The following NPHP4 variants were observed in gnomAD, a reference collection of about 807,000 sequenced individuals.
NPHP4 encodes the protein nephrocystin 4, also known as nephrocystin-4.
A neutral mutation model predicts 155.8 loss-of-function variants in NPHP4; 151 were observed. The observed-to-expected ratio is 0.97, with a 90% CI of 0.85 to 1.11. NPHP4 has a LOEUF of 1.11. Ranked by LOEUF, NPHP4 falls within the 50% of genes least tolerant of loss-of-function variation. The pLI, the probability that NPHP4 is intolerant of heterozygous loss-of-function variation, is 0.00. For missense variants in NPHP4, 1,956 were observed against 1,925.7 expected, an observed-to-expected ratio of 1.02 and a Z score of -0.29; for synonymous variants, 845 against 816.8, an observed-to-expected ratio of 1.03 and a Z score of -0.59.
intron 16 of NPHP4, among the ~76,000 whole-genome samples, chr1:5,894,657 A>G (rs1443099058): frequency 6.6e-6 from 1 of 152,172 alleles, no homozygotes; most frequent in Non-Finnish European, 1.5e-5. Context: ...ACACAAACAA[A>G]AGAATTAAGA....
chr1:5,876,937 C>T (rs562441422), intron 20 of NPHP4, 156 bp downstream of exon 20: 3 of 468,802 alleles, frequency 6.4e-6, no homozygotes, highest in South Asian at 1.1e-4. Context: ...TTAAAGATTT[C>T]CCCCGGTGGC....
chr1:5,938,515 C>G (rs936996791), intron 9 of NPHP4, among the ~76,000 whole-genome samples: 1 of 152,188 alleles, frequency 6.6e-6, no homozygotes, highest in Admixed American at 6.5e-5. Flanking sequence ...CCAAACGAGA[C>G]GGACAGCAAA....
At position 5,873,300 on chromosome 1, in the gene NPHP4, G is replaced by T; in HGVS notation, c.3267C>A (p.Asp1089Glu). The T allele has an allele frequency of 1.9e-6, 3 of 1,613,948 alleles. No individual in the cohort carries two copies. Among genetic ancestry groups the T allele is most frequent in the Non-Finnish European group, 2.5e-6 (3 of 1,179,846 alleles). The change falls in exon 23 of 30, where the codon GAC (aspartate) becomes GAA (glutamate). Residue 1089 changes from aspartate to glutamate, a missense_variant. Asp to Glu is a conservative substitution (Grantham distance 45, BLOSUM62 2). Coordinates refer to ENST00000378156, the MANE Select transcript of NPHP4 (RefSeq NM_015102.5). The stretch of plus-strand genomic sequence containing the variant: ...CGCTGGACTTCCAAGGTGACACGGC[G>T]TCCATGCCCTTCTCGTTGCTCAACC... ...SPGLSNEKGM[D>E]AVSPWKSSAV... is the part of the protein sequence containing the mutation.
intron 16 of NPHP4, among the ~76,000 whole-genome samples, chr1:5,895,989 G>A (rs972845524): frequency 2.0e-5 from 3 of 152,214 alleles, no homozygotes; most frequent in Admixed American, 6.5e-5. Context: ...CGACGTCTGC[G>A]CAGCCAAACT....
Position 5,986,063 on chromosome 1 carries a change from C to T in NPHP4, c.135+92G>A. On this transcript the variant is annotated intron_variant, in intron 2 of 29. Coordinates refer to ENST00000378156, the MANE Select transcript of NPHP4 (RefSeq NM_015102.5). ...AAAGTAGCAAAATCAAAAATCAAAG[C>T]ATCGTAAGCCAGGGACCATCCATCT... The T allele has an allele frequency of 3.5e-6, 5 of 1,422,538 alleles. No homozygotes were observed. The South Asian group carries it at 4.8e-5, about 14-fold the overall frequency. The allele number at this position is 1,422,538 out of a possible 1,614,324, so 88.1% of individuals were successfully genotyped here.
intron 11 of NPHP4, among the ~76,000 whole-genome samples, chr1:5,917,552 T>C (rs188438529): frequency 3.1e-4 from 47 of 152,324 alleles, no homozygotes; most frequent in Admixed American, 1.1e-3. Flanking sequence ...TTCTCTCTTG[T>C]TGAAGCTATT....
At position 5,964,941 on chromosome 1, in the gene NPHP4, A is replaced by ATATATATTTTT; in HGVS notation, c.517+2357_517+2358insAAAAATATATA. On this transcript the variant is annotated intron_variant, in intron 5 of 29. Transcript: ENST00000378156. ...ATTATATATATATATATATATATATATTTTTTTTTTTTGAGGCAGGGTCTC... is the reference window on the plus strand; with the variant it reads ...ATTATATATATATATATATATATATATATATATTTTTTTTTTTTTTTTTGAGGCAGGGTCTC... 3.1e-3 allele frequency among the ~76,000 whole-genome samples: 186 copies of ATATATATTTTT among 59,370 alleles called. 10 individuals are homozygous for ATATATATTTTT. The highest frequency in any genetic ancestry group is 4.0e-3 in the Admixed American group (17 of 4,298). The allele number at this position is 59,370 out of a possible 152,430, so 38.9% of individuals were successfully genotyped here. A position where few individuals can be genotyped will look rare whatever the true frequency, so the allele number is the denominator to read the frequency against.
chr1:5,872,292 G>A (rs930877905), intron 23 of NPHP4, among the ~76,000 whole-genome samples: 1 of 152,188 alleles, frequency 6.6e-6, no homozygotes, highest in African/African-American at 2.4e-5. Context: ...ATGCTGCCAC[G>A]GGCTCACAAC....
intron 18 of NPHP4, among the ~76,000 whole-genome samples, chr1:5,885,488 G>A (rs1213008901): frequency 6.6e-6 from 1 of 152,262 alleles, no homozygotes; most frequent in African/African-American, 2.4e-5. Flanking sequence ...GAAAGACAGT[G>A]CAAAAGAGGC....
At chr1:5,927,345 C>T (rs189444849) in intron 11 of NPHP4, among the ~76,000 whole-genome samples, 1 of 152,314 alleles carries the variant, frequency 6.6e-6, no homozygotes. Flanking sequence ...CCCTCTAACT[C>T]TCGGGTCCCA....
chr1:5,940,247 A>G (rs1261038452), intron 9 of NPHP4, among the ~76,000 whole-genome samples: 1 of 152,152 alleles, frequency 6.6e-6, no homozygotes, highest in Non-Finnish European at 1.5e-5. Context: ...GGCCTCTTCT[A>G]CAAGGACGAG....
At chr1:5,941,696 T>C (rs533935990) in intron 9 of NPHP4, among the ~76,000 whole-genome samples, 4 of 152,332 alleles carry the variant, frequency 2.6e-5, no homozygotes, top group Non-Finnish European at 4.4e-5. Flanking sequence ...AAGGATGCCA[T>C]AGGACACAGG....
chr1:5,863,599 G>A (rs774879306), intron 29 of NPHP4, 194 bp from the exon 30 acceptor site: 6 of 660,596 alleles, frequency 9.1e-6, no homozygotes, highest in African/African-American at 1.8e-5. Context: ...CCAGTGTGAC[G>A]CGTTACTTGG....
intron 5 of NPHP4, among the ~76,000 whole-genome samples, chr1:5,966,183 T>C (rs2102214014): frequency 6.6e-6 from 1 of 152,306 alleles, no homozygotes; most frequent in South Asian, 2.1e-4. Context: ...ACTCTTCAGC[T>C]GACATCTCCT....
chr1:5,953,082 T>G (rs965526841), intron 6 of NPHP4, among the ~76,000 whole-genome samples: 4 of 150,114 alleles, frequency 2.7e-5, no homozygotes, highest in African/African-American at 9.7e-5. Context: ...GTTTTGTTTT[T>G]CATTTTTTTG....
At chr1:5,912,232 C>T (rs1645213254) in intron 11 of NPHP4, among the ~76,000 whole-genome samples, 2 of 152,138 alleles carry the variant, frequency 1.3e-5, no homozygotes, top group African/African-American at 4.8e-5. Context: ...GGAAGGCAGC[C>T]GCGGCAAGTT....
chr1:5,973,405 T>C (rs920409253), intron 3 of NPHP4, among the ~76,000 whole-genome samples: 2 of 152,194 alleles, frequency 1.3e-5, no homozygotes, highest in African/African-American at 4.8e-5. Flanking sequence ...AAGCAAGAAA[T>C]ATCTAACCCC....
At position 5,986,239 on chromosome 1, in the gene NPHP4, G is replaced by T. The variant is rs766636945; in HGVS notation, c.51C>A (p.His17Gln). 4 of 1,613,958 alleles carry T rather than the reference G, an allele frequency of 2.5e-6. No individual in the cohort carries two copies. Among genetic ancestry groups the T allele is most frequent in the Admixed American group, 1.7e-5 (1 of 60,006 alleles). The change falls in exon 2 of 30, where the codon CAC becomes CAA. Residue 17 changes from histidine (H) to glutamine (Q), a missense_variant. By Grantham distance (24) the His-to-Gln change is conservative. Transcript: ENST00000378156. ...TCCAAGGCTGGCGCGCTCTCTGTGG[G>T]TGGGGAGGGACAAGCACGTTTTGGG... ...IFTQNVLVPP[H>Q]PQRARQPWKE...
intron 3 of NPHP4, among the ~76,000 whole-genome samples, chr1:5,976,534 G>A (rs1023537035): frequency 2.2e-4 from 34 of 152,358 alleles, no homozygotes; most frequent in African/African-American, 7.0e-4. Context: ...GGCCCGAGGG[G>A]ACCCCCTGCC....
Sources: allele counts gnomAD v4.1 joint callset (sites outside exome capture counted in the v4.1 genomes callset), GRCh38; gene constraint gnomAD v4.1.1; transcripts MANE v1.5; gene names NCBI Gene and HGNC (gene_info 2026-07-23, HGNC 2026-07-21).